KMT2B: variants seen among roughly 807,000 people sequenced by gnomAD.
The protein encoded by KMT2B is histone-lysine N-methyltransferase 2B.
KMT2B carries 22 observed loss-of-function variants against 255.3 expected under a neutral mutation model. That is an observed-to-expected ratio of 0.09 (90% CI 0.06 to 0.12). The LOEUF is 0.12. Among genes scored for constraint, KMT2B ranks in the 10% least tolerant of loss-of-function variants. The pLI is 1.00. For missense variants in KMT2B, 3,149 were observed against 3,737.0 expected (o/e 0.84, Z 4.10); for synonymous variants, 1,730 against 1,498.1 (o/e 1.15, Z -3.57).
rs754398149 is a variant in KMT2B at position 35,727,594 on chromosome 19, T to C, written c.4274T>C (p.Val1425Ala). Residue 1425 changes from valine to alanine, a missense_variant, in exon 16 of 37, where the codon GTG becomes GCG. Transcript: ENST00000420124. The surrounding 1 kb of genome is among the most constrained non-coding windows in gnomAD (Gnocchi z 4.2). ...QVLQGLLSSK[V>A]VGPLLLCTQC... Reference sequence around the variant, plus strand: ...CTCCAGGGCCTGCTGAGCTCCAAGGTGGTGGGCCCACTGCTGCTCTGCACC... The same window carrying C: ...CTCCAGGGCCTGCTGAGCTCCAAGGCGGTGGGCCCACTGCTGCTCTGCACC... 5.0e-6 allele frequency: 8 copies of C among 1,605,976 alleles called. No individual in the cohort carries two copies. Among genetic ancestry groups the C allele is most frequent in the Non-Finnish European group, 6.8e-6 (8 of 1,177,098 alleles).
In KMT2B at chr19:35,722,065, C is replaced by T. The variant is rs531919849; in HGVS notation, c.2457+261C>T. ...CTTTGTCCAGGCTGGAGTGCAGTGGCGTGATCTCGGCTCACTGCAGCCTTT... is the reference window on the plus strand; with the variant it reads ...CTTTGTCCAGGCTGGAGTGCAGTGGTGTGATCTCGGCTCACTGCAGCCTTT... On this transcript the variant is annotated intron_variant, in intron 3 of 36. Coordinates refer to ENST00000420124, the MANE Select transcript of KMT2B (RefSeq NM_014727.3). Among the ~76,000 whole-genome samples the T allele has an allele frequency of 2.7e-4, 41 of 149,744 alleles. No individual in the cohort carries two copies. In the East Asian group the frequency reaches 6.9e-3, roughly 25 times the overall value.
chr19:35,724,561 C>A, intron 8 of KMT2B, 76 bp from the exon 9 acceptor site: 2 of 1,242,946 alleles, frequency 1.6e-6, no homozygotes, highest in Non-Finnish European at 2.3e-6. Context: ...CCTGGGAATC[C>A]AGGTAACATT....
Position 35,727,223 on chromosome 19 carries a change from C to T in KMT2B, c.4071C>T (p.Cys1357=), listed in dbSNP as rs370078762. 60 of 1,613,604 alleles carry T rather than the reference C, an allele frequency of 3.7e-5. No individual in the cohort carries two copies. Among genetic ancestry groups the T allele is most frequent in the Middle Eastern group, 3.3e-4 (2 of 6,062 alleles). The change falls in exon 15 of 37, where the codon TGC becomes TGT. Residue 1357 remains cysteine, a synonymous_variant. Transcript: ENST00000420124. This position sits in a 1 kb window ranked among gnomAD's most constrained non-coding sequence, Gnocchi z 4.2. The stretch of plus-strand genomic sequence containing the variant: ...ACTATGAGAGCAAGATGATGCAGTG[C>T]GCACAGTGCGATCACTGGGTGCATG... ...DNDYESKMMQ[C]AQCDHWVHAK...
Position 35,733,714 on chromosome 19 carries a change from G to A in KMT2B, c.7049+28G>A. On this transcript the variant is annotated intron_variant, in intron 29 of 36. Transcript: ENST00000420124. This position sits in a 1 kb window ranked among gnomAD's most constrained non-coding sequence, Gnocchi z 4.3. Reference sequence around the variant, plus strand: ...GAGTGGCCAGGCCCCTCTCCCTGGAGGGTCTGGGACCTCTGTCCTTCCCCT... The same window carrying A: ...GAGTGGCCAGGCCCCTCTCCCTGGAAGGTCTGGGACCTCTGTCCTTCCCCT... The A allele has an allele frequency of 6.2e-7, 1 of 1,607,734 alleles. No homozygotes were observed. The highest frequency in any genetic ancestry group is 8.5e-7 in the Non-Finnish European group (1 of 1,177,024).
At position 35,723,330 on chromosome 19, in the gene KMT2B, A is replaced by G. The variant is rs1969294913; in HGVS notation, c.3002+56A>G. On this transcript the variant is annotated intron_variant, in intron 6 of 36. Transcript: ENST00000420124. The surrounding 1 kb of genome is among the most constrained non-coding windows in gnomAD (Gnocchi z 7.5). ...TGGTTGTTGGTCCCCTAGGCTTCCT[A>G]CCTCACTCCTCTTCTGCCTGGCCAG... The G allele has an allele frequency of 4.4e-6, 7 of 1,581,494 alleles. No homozygotes were observed. In the South Asian group the frequency reaches 4.6e-5, roughly 10 times the overall value.
At chr19:35,734,435 C>T (rs1008615439) in intron 30 of KMT2B, among the ~76,000 whole-genome samples, 1 of 152,184 alleles carries the variant, frequency 6.6e-6, no homozygotes, top group African/African-American at 2.4e-5. Context: ...ACAGCCCAAG[C>T]ACTTGGCCAG....
At chr19:35,726,086 C>T (rs956164079) in intron 13 of KMT2B, 150 bp from the exon 14 acceptor site, 6 of 679,718 alleles carry the variant, frequency 8.8e-6, no homozygotes, top group Non-Finnish European at 1.6e-5. Context: ...CCTCATGTTC[C>T]TCCTCCGTGT....
In KMT2B at chr19:35,721,292, G is replaced by A; in HGVS notation, c.1945G>A (p.Ala649Thr). 6.5e-7 allele frequency: 1 copy of A among 1,544,546 alleles called. No homozygotes were observed. The highest frequency in any genetic ancestry group is 8.7e-7 in the Non-Finnish European group (1 of 1,146,416). The part of the protein sequence containing the change: ...TSSRRPLLLR[A>T]PQFTPSEAHL... ...CTCCCGGAGGCCCCTACTCCTTCGG[G>A]CCCCTCAGTTTACCCCAAGCGAAGC... is the stretch of plus-strand genomic sequence containing the variant. The change falls in exon 3 of 37, where the codon GCC becomes ACC. Residue 649 changes from alanine (A) to threonine (T), a missense_variant. Coordinates refer to ENST00000420124, the MANE Select transcript of KMT2B (RefSeq NM_014727.3).
At chr19:35,728,940 C>G in intron 20 of KMT2B, 45 bp from the exon 21 acceptor site, 1 of 1,612,436 alleles carries the variant, frequency 6.2e-7, no homozygotes, top group Non-Finnish European at 8.5e-7. Context: ...GGTGGCCTGG[C>G]TCCGGGTCCT....
chr19:35,726,205 GT>G (rs774233543), intron 13 of KMT2B, 30 bp from the exon 14 acceptor site: 1 of 1,562,662 alleles, frequency 6.4e-7, no homozygotes, highest in African/African-American at 1.4e-5. Flanking sequence ...CCAGTGCCTG[GT>G]TTTCCCCTAA....
Position 35,721,680 on chromosome 19 carries a change from C to T in KMT2B, c.2333C>T (p.Ala778Val), listed in dbSNP as rs367632971. 1.9e-5 allele frequency: 30 copies of T among 1,611,136 alleles called. No homozygotes were observed. Among genetic ancestry groups the T allele is most frequent in the Admixed American group, 1.9e-4 (11 of 59,388 alleles). Reference protein sequence around the residue: ...QMPPLEKARIAGVGSLPLSGV... With the variant: ...QMPPLEKARIVGVGSLPLSGV... ...CCTCCCCTGGAAAAAGCCCGGATTG[C>T]GGGCGTGGGTTCCTTGCCGCTGTCT... The change falls in exon 3 of 37, where the codon GCG (alanine) becomes GTG (valine). Residue 778 changes from alanine to valine, a missense_variant. Transcript: ENST00000420124.
At chr19:35,726,919 G>A (rs1194981569) in intron 14 of KMT2B, among the ~76,000 whole-genome samples, 1 of 150,634 alleles carries the variant, frequency 6.6e-6, no homozygotes, top group African/African-American at 2.5e-5. Context: ...GGGAGGCGGA[G>A]GTTGCAGTGA....
chr19:35,718,255 G>T lies in KMT2B; in HGVS notation c.237G>T (p.Arg79=). 8.3e-7 allele frequency: 1 copy of T among 1,204,880 alleles called. No homozygotes were observed. The highest frequency in any genetic ancestry group is 1.0e-6 in the Non-Finnish European group (1 of 963,238). The allele number at this position is 1,204,880 out of a possible 1,614,324, so 74.6% of individuals were successfully genotyped here. A position where few individuals can be genotyped will look rare whatever the true frequency, so the allele number is the denominator to read the frequency against. ...TGGGGCTCCGCCGGGGCCTGCGCCG[G>T]CTCCGCCGCCTGTGGGCCGGCCCGC... ...RLLGLRRGLR[R]LRRLWAGPRV... is the part of the protein sequence containing the mutation. The change falls in exon 1 of 37, where the codon CGG becomes CGT. Residue 79 remains arginine (R), a synonymous_variant. Transcript: ENST00000420124. The surrounding 1 kb of genome is among the most constrained non-coding windows in gnomAD (Gnocchi z 5.0).
chr19:35,721,949 T>G (rs1969231700), intron 3 of KMT2B, 145 bp downstream of exon 3: 1 of 1,132,844 alleles, frequency 8.8e-7, no homozygotes, highest in South Asian at 1.7e-5. Flanking sequence ...CCACCTTCCT[T>G]TGTTCCTCCC....
In KMT2B at chr19:35,725,371, C is replaced by T; in HGVS notation, c.3642+38C>T. On this transcript the variant is annotated intron_variant, in intron 11 of 36. Transcript: ENST00000420124. The surrounding 1 kb of genome is among the most constrained non-coding windows in gnomAD (Gnocchi z 4.1). ...CCTTTCTTCACAGACCCCCAGCTCTCTGTCGGTCCTCACGGCCTGATTCCT... is the reference window on the plus strand; with the variant it reads ...CCTTTCTTCACAGACCCCCAGCTCTTTGTCGGTCCTCACGGCCTGATTCCT... The T allele has an allele frequency of 6.4e-7, 1 of 1,563,616 alleles. No individual in the cohort carries two copies.
intron 1 of KMT2B, 108 bp from the exon 2 acceptor site, chr19:35,719,361 C>T (rs1279731756): frequency 2.6e-6 from 2 of 765,076 alleles, no homozygotes; most frequent in Non-Finnish European, 4.3e-6. Context: ...TTTAAATAGG[C>T]AGGGGTATGC....
At position 35,732,225 on chromosome 19, in the gene KMT2B, T is replaced by C. The variant is rs1215855367; in HGVS notation, c.5676T>C (p.Ser1892=). ...FGPLPSPGSP[S]SLTHHIPTVG... ...ACCCTCCCCCCACAGGAAGTCCATC[T>C]TCACTGACCCACCACATCCCCACAG... Residue 1892 remains serine, a synonymous_variant, in exon 28 of 37, where the codon TCT becomes TCC. Coordinates refer to ENST00000420124, the MANE Select transcript of KMT2B (RefSeq NM_014727.3). 4 of 1,596,546 alleles carry C rather than the reference T, an allele frequency of 2.5e-6. No individual in the cohort carries two copies. The highest frequency in any genetic ancestry group is 3.4e-6 in the Non-Finnish European group (4 of 1,169,300).
rs139082238 is a variant in KMT2B, at chr19:35,730,095, C to T, written c.5046C>T (p.Cys1682=). The change falls in exon 23 of 37, where the codon TGC becomes TGT. Residue 1682 remains cysteine, a synonymous_variant. Transcript: ENST00000420124. ...TCCAGGATGACAAGAAAGTCTTCTG[C>T]CAGAAACACACTGATCTCCTGGATG... The part of the protein sequence containing the change: ...CIFQDDKKVF[C]QKHTDLLDGK... 3.4e-5 allele frequency: 55 copies of T among 1,613,570 alleles called. 1 individual carries two copies. In the African/African-American group the frequency reaches 5.9e-4, roughly 17 times the overall value.
At position 35,727,843 on chromosome 19, in the gene KMT2B, T is replaced by C; in HGVS notation, c.4393-38T>C. On this transcript the variant is annotated intron_variant, in intron 17 of 36. Coordinates refer to ENST00000420124, the MANE Select transcript of KMT2B (RefSeq NM_014727.3). The surrounding 1 kb of genome is among the most constrained non-coding windows in gnomAD (Gnocchi z 4.2). Reference sequence around the variant, plus strand: ...TGGCAGGAGGAGAGGGCTGGAATTGTGCAGAGGGGACTCAGTCTCTGACAA... The same window carrying C: ...TGGCAGGAGGAGAGGGCTGGAATTGCGCAGAGGGGACTCAGTCTCTGACAA... 6.2e-7 allele frequency: 1 copy of C among 1,612,516 alleles called. No individual in the cohort carries two copies. Among genetic ancestry groups the C allele is most frequent in the Non-Finnish European group, 8.5e-7 (1 of 1,178,844 alleles).
Sources: allele counts gnomAD v4.1 joint callset (sites outside exome capture counted in the v4.1 genomes callset), GRCh38; gene constraint gnomAD v4.1.1; non-coding constraint Gnocchi (gnomAD v3.1); transcripts MANE v1.5; gene names NCBI Gene and HGNC (gene_info 2026-07-23, HGNC 2026-07-21).